The following QSER1 variants were observed in gnomAD, a reference collection of about 807,000 sequenced individuals.
QSER1 encodes the protein glutamine and serine rich 1, also known as glutamine and serine-rich protein 1.
Under a neutral mutation model 158.5 loss-of-function variants are expected in QSER1, and 49 were observed. The ratio of observed to expected loss-of-function variants is 0.31; its 90% CI spans 0.25 to 0.39. The LOEUF (loss-of-function observed/expected upper bound fraction) is 0.39, where lower values mean the gene tolerates loss of function less well. QSER1 is among the 10% of genes least tolerant of loss of function. QSER1 has a pLI of 1.00. For synonymous variants in QSER1, 650 were observed against 715.5 expected (o/e 0.91, Z 1.46); for missense variants, 1,754 against 2,010.3 (o/e 0.87, Z 2.44).
intron 4 of QSER1, among the ~76,000 whole-genome samples, chr11:32,939,608 G>A (rs1590170380): frequency 6.6e-6 from 1 of 152,218 alleles, no homozygotes; most frequent in Non-Finnish European, 1.5e-5. Flanking sequence ...GTTTTAGCAG[G>A]CAGTCAGAAC....
rs1464714839 is a variant in QSER1, at chr11:32,932,263, T to G, written c.1005T>G (p.Thr335=). 6.2e-7 allele frequency: 1 copy of G among 1,613,958 alleles called. No individual in the cohort carries two copies. The highest frequency in any genetic ancestry group is 1.3e-5 in the African/African-American group (1 of 74,918). Residue 335 remains threonine, a synonymous_variant, in exon 4 of 13, where the codon ACT becomes ACG. Coordinates refer to ENST00000650167, the MANE Select transcript of QSER1 (RefSeq NM_001076786.3). ...CCCAGTCAATTCAGGCACAACTGAC[T>G]GGTTCACAGCACTCCTTACATAGTT... is the stretch of plus-strand genomic sequence containing the variant. ...SGTQSIQAQL[T]GSQHSLHSYL...
At chr11:32,913,208 T>A (rs1346419333) in intron 1 of QSER1, among the ~76,000 whole-genome samples, 1 of 138,776 alleles carries the variant, frequency 7.2e-6, no homozygotes, top group Non-Finnish European at 1.5e-5. Context: ...TTTTTTTTTT[T>A]AAGATGGAGT....
intron 3 of QSER1, among the ~76,000 whole-genome samples, chr11:32,928,775 A>T (rs1852008163): frequency 6.6e-6 from 1 of 152,162 alleles, no homozygotes; most frequent in African/African-American, 2.4e-5. Flanking sequence ...AAGGATAGGT[A>T]TAGGAAATAG....
intron 4 of QSER1, among the ~76,000 whole-genome samples, chr11:32,952,921 C>T (rs1265872790): frequency 6.6e-6 from 1 of 151,210 alleles, no homozygotes; most frequent in African/African-American, 2.4e-5. Context: ...TCCTGCCTCA[C>T]CCTCCTGAGT....
In QSER1 at chr11:32,935,297, A is replaced by G. The variant is rs999989942; in HGVS notation, c.4039A>G (p.Asn1347Asp). ...TAACAGTCCATCAGATAAAGTTGAT[A>G]ATGAACTTAAAAACTTGGAACATTT... ...GGNSPSDKVD[N>D]ELKNLEHLSS... The change falls in exon 4 of 13, where the codon AAT becomes GAT. Residue 1347 changes from asparagine (N) to aspartate (D), a missense_variant. This residue lies in a region of QSER1 where 1,707 missense variants were observed against 1,919.6 expected (regional missense o/e 0.89). Transcript: ENST00000650167. The G allele has an allele frequency of 1.2e-6, 2 of 1,614,006 alleles. No homozygotes were observed. The highest frequency in any genetic ancestry group is 1.7e-6 in the Non-Finnish European group (2 of 1,179,910).
intron 6 of QSER1, 148 bp downstream of exon 6, chr11:32,955,560 C>A: frequency 5.8e-6 from 3 of 515,162 alleles, no homozygotes; most frequent in South Asian, 3.4e-5. Flanking sequence ...CTTTGATAGT[C>A]TAATATAAAA....
chr11:32,933,065 TCTTA>T lies in QSER1; in HGVS notation c.1808_1811del (p.Ser603PhefsTer63). ...CCTAACATTAACAGCCCCTTCTCTT[TCTTA>T]TTCTTCTGCCTCTCGGGCTCAGAAT... On this transcript the variant is annotated frameshift_variant, in exon 4 of 13. Transcript: ENST00000650167. LOFTEE classifies it high-confidence loss of function. 1 of 1,613,652 alleles carries T rather than the reference TCTTA, an allele frequency of 6.2e-7. No homozygotes were observed. Among genetic ancestry groups the T allele is most frequent in the Non-Finnish European group, 8.5e-7 (1 of 1,180,002 alleles).
intron 9 of QSER1, 104 bp downstream of exon 9, chr11:32,966,541 C>A: frequency 1.0e-6 from 1 of 979,784 alleles, no homozygotes; most frequent in South Asian, 2.4e-5. Flanking sequence ...GTAATATATA[C>A]CTATAAATTG....
At chr11:32,949,401 A>T (rs1852386545) in intron 4 of QSER1, among the ~76,000 whole-genome samples, 1 of 152,182 alleles carries the variant, frequency 6.6e-6, no homozygotes, top group Non-Finnish European at 1.5e-5. Context: ...AAGTTTTTAT[A>T]TCAATAAAAG....
At chr11:32,965,498 T>C (rs539725723) in intron 8 of QSER1, among the ~76,000 whole-genome samples, 2 of 152,330 alleles carry the variant, frequency 1.3e-5, no homozygotes, top group African/African-American at 2.4e-5. Context: ...TATGTATTAC[T>C]CATACATTGG....
Position 32,956,116 on chromosome 11 carries a change from T to G in QSER1, c.4746T>G (p.Thr1582=). 2 of 1,609,556 alleles carry G rather than the reference T, an allele frequency of 1.2e-6. No homozygotes were observed. The highest frequency in any genetic ancestry group is 1.1e-5 in the South Asian group (1 of 90,862). The change falls in exon 7 of 13, where the codon ACT becomes ACG. Residue 1582 remains threonine, a synonymous_variant. Coordinates refer to ENST00000650167, the MANE Select transcript of QSER1 (RefSeq NM_001076786.3). ...SKKPRNKPSQ[T]IRTVQAKPSS... is the part of the protein sequence containing the mutation. ...AGCCAAGAAATAAACCTTCACAAAC[T>G]ATCAGGTATTTGTTTTCTTAGGTGA...
Position 32,954,193 on chromosome 11 carries a change from TCAC to T in QSER1, c.4500+17_4500+19del. ...GAGACTTTTAAGGTGATGTCAGTGT[TCAC>T]CAGTGTAAAGGTCATAGTTTAGTTA... On this transcript the variant is annotated intron_variant, in intron 5 of 12. Coordinates refer to ENST00000650167, the MANE Select transcript of QSER1 (RefSeq NM_001076786.3). 1 of 1,606,176 alleles carries T rather than the reference TCAC, an allele frequency of 6.2e-7. No homozygotes were observed. Among genetic ancestry groups the T allele is most frequent in the Non-Finnish European group, 8.5e-7 (1 of 1,176,724 alleles).
At chr11:32,903,969 A>G (rs1301015792) in intron 1 of QSER1, among the ~76,000 whole-genome samples, 1 of 152,132 alleles carries the variant, frequency 6.6e-6, no homozygotes, top group Non-Finnish European at 1.5e-5. Flanking sequence ...TAAAAAACTT[A>G]TCTGTTCCTT....
rs1489126064 is a variant in QSER1 at position 32,897,908 on chromosome 11, A to AG, written c.209+4575dup. On this transcript the variant is annotated intron_variant, in intron 1 of 12. Transcript: ENST00000650167. ...CAGATGGTGGGAGTTGTGTGTGCTC[A>AG]GTCACTAAGACCTACTGTTTTGAAT... Among the ~76,000 whole-genome samples, 12 of 152,310 alleles carry AG rather than the reference A, an allele frequency of 7.9e-5. No homozygotes were observed. In the East Asian group the frequency reaches 1.9e-3, roughly 24 times the overall value.
rs1852065457 is a variant in QSER1, at chr11:32,932,490, G to A, written c.1232G>A (p.Ser411Asn). Residue 411 changes from serine (S) to asparagine (N), a missense_variant, in exon 4 of 13, where the codon AGC becomes AAC. By Grantham distance (46) the Ser-to-Asn change is conservative. Coordinates refer to ENST00000650167, the MANE Select transcript of QSER1 (RefSeq NM_001076786.3). Reference sequence around the variant, plus strand: ...CCTCCTTCTACTACAAAAATAAAAAGCTGTTCTACAGAACAACCACTGACA... The same window carrying A: ...CCTCCTTCTACTACAAAAATAAAAAACTGTTCTACAGAACAACCACTGACA... ...GYPPSTTKIKSCSTEQPLTST... is the reference protein window; with the variant it reads ...GYPPSTTKIKNCSTEQPLTST... The A allele has an allele frequency of 3.7e-6, 6 of 1,613,890 alleles. No homozygotes were observed. Among genetic ancestry groups the A allele is most frequent in the Non-Finnish European group, 5.1e-6 (6 of 1,179,996 alleles).
At position 32,934,571 on chromosome 11, in the gene QSER1, C is replaced by T. The variant is rs1008435544; in HGVS notation, c.3313C>T (p.Pro1105Ser). The change falls in exon 4 of 13, where the codon CCA becomes TCA. Residue 1105 changes from proline (P) to serine (S), a missense_variant. Pro to Ser is a moderately conservative substitution (Grantham distance 74). Transcript: ENST00000650167. Reference protein sequence around the residue: ...SHEVQEQSSGPFKKQSATNLE... With the variant: ...SHEVQEQSSGSFKKQSATNLE... ...TGAAGTCCAGGAGCAAAGTTCTGGC[C>T]CATTCAAGAAACAGTCTGCTACCAA... 1.2e-6 allele frequency: 2 copies of T among 1,613,400 alleles called. No homozygotes were observed. Among genetic ancestry groups the T allele is most frequent in the Non-Finnish European group, 1.7e-6 (2 of 1,179,918 alleles).
At chr11:32,915,548 C>A (rs1851820492) in intron 1 of QSER1, among the ~76,000 whole-genome samples, 1 of 152,142 alleles carries the variant, frequency 6.6e-6, no homozygotes, top group Non-Finnish European at 1.5e-5. Context: ...CATAAATGTA[C>A]CTATATTCAA....
chr11:32,904,481 C>T (rs1245916815), intron 1 of QSER1, among the ~76,000 whole-genome samples: 17 of 152,004 alleles, frequency 1.1e-4, no homozygotes, highest in Admixed American at 1.0e-3. Flanking sequence ...TGAGCCACTG[C>T]GCCCAGCCAG....
chr11:32,898,464 C>T lies in QSER1; in HGVS notation c.209+5130C>T, dbSNP rs534996568. On this transcript the variant is annotated intron_variant, in intron 1 of 12. Coordinates refer to ENST00000650167, the MANE Select transcript of QSER1 (RefSeq NM_001076786.3). The stretch of plus-strand genomic sequence containing the variant: ...TGGTGCCACTGCACTTCAGTGTGAG[C>T]GACAGAGTGAGAACCTGTCACACAC... Among the ~76,000 whole-genome samples, 26 of 132,386 alleles carry T rather than the reference C, an allele frequency of 2.0e-4. No homozygotes were observed. In the South Asian group the frequency reaches 5.3e-3, roughly 27 times the overall value. 86.9% of individuals were successfully genotyped at this position (132,386 alleles called of 152,430 possible). A position where few individuals can be genotyped will look rare whatever the true frequency, so the allele number is the denominator to read the frequency against.
Sources: gnomAD v4.1 joint callset for allele counts (sites outside exome capture counted in the v4.1 genomes callset) on GRCh38, gnomAD v4.1.1 for gene constraint, gnomAD v4.1.1 regional missense constraint, MANE v1.5 for transcripts, NCBI Gene and HGNC (gene_info 2026-07-23, HGNC 2026-07-21) for gene names.